EHBP1: variants seen among roughly 807,000 people sequenced by gnomAD.
EHBP1 encodes EH domain-binding protein 1.
A neutral mutation model predicts 144.0 loss-of-function variants in EHBP1; 55 were observed. The ratio of observed to expected loss-of-function variants is 0.38; its 90% CI spans 0.31 to 0.48. The LOEUF (loss-of-function observed/expected upper bound fraction) is 0.48, where lower values mean the gene tolerates loss of function less well. EHBP1 is among the 20% of genes least tolerant of loss of function. The pLI is 0.98. For synonymous variants in EHBP1, 469 were observed against 472.7 expected (o/e 0.99, Z 0.10); for missense variants, 1,200 against 1,364.2 (o/e 0.88, Z 1.90).
intron 19 of EHBP1, among the ~76,000 whole-genome samples, chr2:63,020,197 G>T (rs984224234): frequency 6.6e-6 from 1 of 151,812 alleles, no homozygotes; most frequent in Admixed American, 6.6e-5. Flanking sequence ...GTTGGCAGGT[G>T]CCTGTAATCC....
intron 19 of EHBP1, among the ~76,000 whole-genome samples, chr2:63,001,494 T>C (rs2059845525): frequency 1.3e-5 from 2 of 152,174 alleles, no homozygotes; most frequent in Admixed American, 6.6e-5. Flanking sequence ...TTAAAGCTGC[T>C]TTAAAGCAGG....
intron 14 of EHBP1, among the ~76,000 whole-genome samples, chr2:62,959,266 C>T (rs902487378): frequency 2.0e-5 from 3 of 152,098 alleles, no homozygotes; most frequent in African/African-American, 4.8e-5. Flanking sequence ...TCATTTTATC[C>T]GTTCATCTGT....
At chr2:63,003,751 G>A (rs955564219) in intron 19 of EHBP1, among the ~76,000 whole-genome samples, 3 of 152,176 alleles carry the variant, frequency 2.0e-5, no homozygotes, top group African/African-American at 7.2e-5. Context: ...AGAAGCCAGA[G>A]GGGATTATAA....
At chr2:62,937,039 A>G (rs918082830) in intron 10 of EHBP1, among the ~76,000 whole-genome samples, 3 of 152,214 alleles carry the variant, frequency 2.0e-5, no homozygotes, top group Non-Finnish European at 4.4e-5. Context: ...TTGAAATCCA[A>G]CAGAATGGAC....
intron 9 of EHBP1, among the ~76,000 whole-genome samples, chr2:62,868,757 G>A (rs986069976): frequency 6.6e-6 from 1 of 152,056 alleles, no homozygotes; most frequent in Admixed American, 6.6e-5. Context: ...AGACCAACCT[G>A]AGCAGCATAA....
At chr2:62,773,265 A>G (rs2041805621) in intron 5 of EHBP1, among the ~76,000 whole-genome samples, 1 of 152,096 alleles carries the variant, frequency 6.6e-6, no homozygotes, top group Non-Finnish European at 1.5e-5. Flanking sequence ...TTCTGCCAAT[A>G]TCAACTCCTG....
intron 10 of EHBP1, among the ~76,000 whole-genome samples, chr2:62,908,418 A>C (rs567303219): frequency 6.6e-6 from 1 of 151,292 alleles, no homozygotes; most frequent in African/African-American, 2.4e-5. Flanking sequence ...CGTTCCATTG[A>C]TTTTTTTTCT....
chr2:62,784,813 G>A (rs1033168502), intron 5 of EHBP1, among the ~76,000 whole-genome samples: 2 of 152,120 alleles, frequency 1.3e-5, no homozygotes, highest in African/African-American at 2.4e-5. Flanking sequence ...GTGCCATACC[G>A]AGGAATTTGA....
intron 10 of EHBP1, among the ~76,000 whole-genome samples, chr2:62,899,164 G>T: frequency 6.6e-6 from 1 of 152,120 alleles, no homozygotes; most frequent in East Asian, 1.9e-4. Context: ...TTAATTAATT[G>T]TGGCCTTCAC....
chr2:62,994,157 A>G (rs1395276724), intron 18 of EHBP1, 180 bp downstream of exon 18: 5 of 386,082 alleles, frequency 1.3e-5, no homozygotes, highest in Non-Finnish European at 2.4e-5. Flanking sequence ...GATAATTGTC[A>G]GATAAAAAAA....
At chr2:62,869,437 T>C (rs1368534567) in intron 9 of EHBP1, among the ~76,000 whole-genome samples, 1 of 152,198 alleles carries the variant, frequency 6.6e-6, no homozygotes, top group Admixed American at 6.5e-5. Context: ...GGCATATCCA[T>C]ACAATGCAGT....
In EHBP1 at chr2:62,995,503, C is replaced by T. The variant is rs186968272; in HGVS notation, c.2980-1140C>T. Among the ~76,000 whole-genome samples the T allele has an allele frequency of 2.3e-3, 345 of 151,964 alleles. 2 individuals carry two copies. The highest frequency in any genetic ancestry group is 3.8e-3 in the Non-Finnish European group (257 of 67,894). Reference sequence around the variant, plus strand: ...ATTAACATAATTCTTTATTTTATTTCCTGTTTAAGGAGTAGTGAAATATAA... The same window carrying T: ...ATTAACATAATTCTTTATTTTATTTTCTGTTTAAGGAGTAGTGAAATATAA... On this transcript the variant is annotated intron_variant, in intron 18 of 22. Coordinates refer to ENST00000431489, the MANE Select transcript of EHBP1 (RefSeq NM_001142616.3).
chr2:62,702,062 G>A (rs1055293063), upstream of EHBP1, among the ~76,000 whole-genome samples: 1 of 152,136 alleles, frequency 6.6e-6, no homozygotes, highest in African/African-American at 2.4e-5. Context: ...CAAGCCTATG[G>A]TTGCATTTCA....
At chr2:62,721,362 T>C (rs1022035845) in intron 2 of EHBP1, among the ~76,000 whole-genome samples, 2 of 152,220 alleles carry the variant, frequency 1.3e-5, no homozygotes, top group Non-Finnish European at 2.9e-5. Flanking sequence ...TTATCACTGG[T>C]AATATTCACC....
intron 10 of EHBP1, among the ~76,000 whole-genome samples, chr2:62,900,451 A>G (rs941981645): frequency 1.3e-5 from 2 of 152,034 alleles, no homozygotes; most frequent in South Asian, 2.1e-4. Context: ...GTGAGACCCC[A>G]TCTTCACAAA....
intron 19 of EHBP1, among the ~76,000 whole-genome samples, chr2:63,004,545 G>A (rs899044328): frequency 6.6e-6 from 1 of 151,904 alleles, no homozygotes; most frequent in South Asian, 2.1e-4. Context: ...AATACTTTGG[G>A]AACATTCTCC....
intron 7 of EHBP1, among the ~76,000 whole-genome samples, chr2:62,854,582 T>TG (rs1447605131): frequency 6.6e-6 from 1 of 152,164 alleles, no homozygotes; most frequent in East Asian, 1.9e-4. Context: ...GAGTGGTAGA[T>TG]GGGGGAACAA....
At chr2:62,681,340 G>GTATATATATATATATATATA (rs768323831) in intron 1 of EHBP1, among the ~76,000 whole-genome samples, 5,737 of 58,056 alleles carry the variant, frequency 0.099, 725 homozygotes, top group East Asian at 0.19. Flanking sequence ...ATGTGTGTGT[G>GTATATATATATATATATATA]TATATATATA....
intron 14 of EHBP1, among the ~76,000 whole-genome samples, chr2:62,966,215 A>G (rs1233506616): frequency 6.6e-6 from 1 of 152,194 alleles, no homozygotes; most frequent in African/African-American, 2.4e-5. Flanking sequence ...ATTAAAAGGA[A>G]GTTATCTGAA....
Sources: gnomAD v4.1 joint callset for allele counts (sites outside exome capture counted in the v4.1 genomes callset) on GRCh38, gnomAD v4.1.1 for gene constraint, MANE v1.5 for transcripts, NCBI Gene and HGNC (gene_info 2026-07-23, HGNC 2026-07-21) for gene names.